The following MACROD2 variants were observed in gnomAD, a reference collection of about 807,000 sequenced individuals.
MACROD2 encodes the protein ADP-ribose glycohydrolase MACROD2.
Under a neutral mutation model 70.4 loss-of-function variants are expected in MACROD2, and 36 were observed. The observed-to-expected ratio is 0.51, with a 90% CI of 0.39 to 0.68. MACROD2 has a LOEUF of 0.68. Among genes scored for constraint, MACROD2 ranks in the 30% least tolerant of loss-of-function variants. The pLI is 0.00. For synonymous variants in MACROD2, 172 were observed against 178.8 expected (o/e 0.96, Z 0.30); for missense variants, 496 against 538.4 (o/e 0.92, Z 0.78).
At chr20:14,227,849 T>C (rs1180059847) in intron 3 of MACROD2, among the ~76,000 whole-genome samples, 1 of 152,184 alleles carries the variant, frequency 6.6e-6, no homozygotes, top group African/African-American at 2.4e-5. Flanking sequence ...ATAAAATACA[T>C]GGTCCAGGAT....
chr20:14,595,040 A>G (rs1982031847), intron 4 of MACROD2, among the ~76,000 whole-genome samples: 1 of 152,228 alleles, frequency 6.6e-6, no homozygotes, highest in Non-Finnish European at 1.5e-5. Context: ...ACACATTTGC[A>G]TAAAAATGGG....
chr20:15,266,712 A>C (rs1392319621), intron 6 of MACROD2, among the ~76,000 whole-genome samples: 1 of 152,222 alleles, frequency 6.6e-6, no homozygotes, highest in Admixed American at 6.5e-5. Context: ...CAAAGTCCAA[A>C]TCCTAAAGAT....
At chr20:14,332,691 C>A (rs779787481) in intron 3 of MACROD2, among the ~76,000 whole-genome samples, 1 of 152,032 alleles carries the variant, frequency 6.6e-6, no homozygotes, top group Non-Finnish European at 1.5e-5. Flanking sequence ...AATCTAATGG[C>A]ATGTAGAACT....
intron 6 of MACROD2, among the ~76,000 whole-genome samples, chr20:15,288,867 GTCTATCTATCTATCTATCTA>G (rs3070384): frequency 8.2e-5 from 12 of 146,850 alleles, no homozygotes; most frequent in Non-Finnish European, 1.4e-4. Context: ...CTGTCTGTCT[GTCTATCTATCTATCTATCTA>G]TCTATCTATC....
intron 4 of MACROD2, among the ~76,000 whole-genome samples, chr20:14,683,694 A>G (rs2070963041): frequency 6.6e-6 from 1 of 152,172 alleles, no homozygotes; most frequent in African/African-American, 2.4e-5. Flanking sequence ...CCTGTCCCAT[A>G]TCCAGCTTCG....
Position 14,546,292 on chromosome 20 carries a change from A to G in MACROD2, c.301+52784A>G, listed in dbSNP as rs60365613. Among the ~76,000 whole-genome samples the G allele has an allele frequency of 5.5e-3, 833 of 152,286 alleles. 9 individuals carry two copies. The highest frequency in any genetic ancestry group is 0.018 in the African/African-American group (754 of 41,568). ...ATTAAGGCTAGCTGTTGCAGTAGCT[A>G]TAACCTAGTTATAGCAATATGCATG... On this transcript the variant is annotated intron_variant, in intron 4 of 17. Transcript: ENST00000684519.
chr20:14,724,586 A>G (rs760550977), intron 5 of MACROD2, among the ~76,000 whole-genome samples: 3 of 152,196 alleles, frequency 2.0e-5, no homozygotes, highest in Non-Finnish European at 4.4e-5. Flanking sequence ...TCTGCAGAGG[A>G]TATTTTTAAG....
chr20:14,858,844 A>G (rs977957848), intron 5 of MACROD2, among the ~76,000 whole-genome samples: 2 of 152,174 alleles, frequency 1.3e-5, no homozygotes, highest in African/African-American at 4.8e-5. Flanking sequence ...TGGTGATAAT[A>G]GTAGTACTCA....
At chr20:15,777,367 G>A (rs2051738942) in intron 8 of MACROD2, among the ~76,000 whole-genome samples, 1 of 151,280 alleles carries the variant, frequency 6.6e-6, no homozygotes, top group African/African-American at 2.4e-5. Context: ...GTTTGGTTAA[G>A]TAAAATTTAG....
chr20:14,483,003 C>G (rs926791306), intron 3 of MACROD2, among the ~76,000 whole-genome samples: 2 of 152,206 alleles, frequency 1.3e-5, no homozygotes, highest in African/African-American at 4.8e-5. Flanking sequence ...GTACCTACTT[C>G]ATTAGCTTCT....
chr20:14,268,945 C>T (rs1278240447), intron 3 of MACROD2, among the ~76,000 whole-genome samples: 1 of 152,162 alleles, frequency 6.6e-6, no homozygotes, highest in Non-Finnish European at 1.5e-5. Context: ...TACCAAAGCT[C>T]AGTGCCAGCA....
chr20:15,863,279 C>T (rs929701094), intron 9 of MACROD2, among the ~76,000 whole-genome samples: 5 of 152,110 alleles, frequency 3.3e-5, no homozygotes, highest in African/African-American at 1.2e-4. Context: ...CCTATTCCTT[C>T]CCAAGTTTCT....
chr20:14,886,197 G>A (rs2073673090), intron 5 of MACROD2, among the ~76,000 whole-genome samples: 1 of 152,144 alleles, frequency 6.6e-6, no homozygotes, highest in Admixed American at 6.5e-5. Context: ...TGATTGAAGT[G>A]AGGGGTCTAG....
chr20:15,258,847 G>A (rs146205879), intron 6 of MACROD2, among the ~76,000 whole-genome samples: 1 of 152,020 alleles, frequency 6.6e-6, no homozygotes, highest in Non-Finnish European at 1.5e-5. Context: ...TTCAAGGAAC[G>A]TTTGCAGAGC....
intron 3 of MACROD2, among the ~76,000 whole-genome samples, chr20:14,434,459 A>C (rs1374387394): frequency 6.6e-6 from 1 of 151,872 alleles, no homozygotes; most frequent in Admixed American, 6.6e-5. Context: ...CTACACTCTC[A>C]TAACACTTCT....
chr20:15,422,345 G>T (rs570353446), intron 6 of MACROD2, among the ~76,000 whole-genome samples: 7 of 152,274 alleles, frequency 4.6e-5, no homozygotes, highest in Admixed American at 1.3e-4. Flanking sequence ...GGCTGTAAGA[G>T]AACTGTTCTC....
rs113295998 is a variant in MACROD2 at position 15,991,263 on chromosome 20, T to A, written c.1153+4105T>A. 7.2e-4 allele frequency among the ~76,000 whole-genome samples: 109 copies of A among 152,318 alleles called. 1 individual carries two copies. The highest frequency in any genetic ancestry group is 2.5e-3 in the African/African-American group (106 of 41,578). On this transcript the variant is annotated intron_variant, in intron 15 of 17. Coordinates refer to ENST00000684519, the MANE Select transcript of MACROD2 (RefSeq NM_001351661.2). ...TTTTTTGCAACTCCTCTGGCTACGA[T>A]TTCATCTTTTAGTGAACACATAGCA...
chr20:14,863,736 C>T (rs938093634), intron 5 of MACROD2, among the ~76,000 whole-genome samples: 1 of 152,036 alleles, frequency 6.6e-6, no homozygotes, highest in Non-Finnish European at 1.5e-5. Flanking sequence ...ATCCTCACAT[C>T]AATACTATTA....
chr20:15,614,489 G>A (rs930909819), intron 8 of MACROD2, among the ~76,000 whole-genome samples: 5 of 152,136 alleles, frequency 3.3e-5, no homozygotes, highest in South Asian at 2.1e-4. Flanking sequence ...CATCACCTGT[G>A]AAGGTGTGCT....
Sources: allele counts gnomAD v4.1 joint callset (sites outside exome capture counted in the v4.1 genomes callset), GRCh38; gene constraint gnomAD v4.1.1; transcripts MANE v1.5; gene names NCBI Gene and HGNC (gene_info 2026-07-23, HGNC 2026-07-21).